UBR4: variants seen among roughly 807,000 people sequenced by gnomAD.
The protein encoded by UBR4 is E3 ubiquitin-protein ligase UBR4.
In UBR4, 124 loss-of-function variants were observed where a neutral mutation model predicts 575.6. The observed-to-expected ratio is 0.22, with a 90% CI of 0.19 to 0.25. The LOEUF is 0.25. Among genes scored for constraint, UBR4 ranks in the 10% least tolerant of loss-of-function variants. The pLI is 1.00. For missense variants in UBR4, 4,818 were observed against 6,478.8 expected (o/e 0.74, Z 8.80); for synonymous variants, 2,455 against 2,473.7 (o/e 0.99, Z 0.22).
At position 19,088,048 on chromosome 1, in the gene UBR4, A is replaced by T; in HGVS notation, c.14431-119T>A. On this transcript the variant is annotated intron_variant, in intron 98 of 105. Transcript: ENST00000375254. This position sits in a 1 kb window ranked among gnomAD's most constrained non-coding sequence, Gnocchi z 4.0. Reference sequence around the variant, plus strand: ...CCTCCACTAAAAGGACAGGTGCATGAGAGGAAAGCCCTTGAGCTGTCTTCT... The same window carrying T: ...CCTCCACTAAAAGGACAGGTGCATGTGAGGAAAGCCCTTGAGCTGTCTTCT... 1 of 726,470 alleles carries T rather than the reference A, an allele frequency of 1.4e-6. No individual in the cohort carries two copies. Among genetic ancestry groups the T allele is most frequent in the Non-Finnish European group, 2.4e-6 (1 of 418,214 alleles). 45.0% of individuals were successfully genotyped at this position (726,470 alleles called of 1,614,324 possible). A position where few individuals can be genotyped will look rare whatever the true frequency, so the allele number is the denominator to read the frequency against.
chr1:19,105,794 T>C lies in UBR4; in HGVS notation c.12442A>G (p.Ile4148Val), dbSNP rs1386400588. ...TQAARQAACT[I>V]VEALATIPSR... ...GGAATGGTGGCTAGAGCTTCCACAA[T>C]GGTACAGGCTGCCTGCCGTGCGGCC... Residue 4148 changes from isoleucine (I) to valine (V), a missense_variant, in exon 84 of 106, where the codon ATT (isoleucine) becomes GTT (valine). Physicochemically the swap from Ile to Val is conservative, Grantham distance 29. Coordinates refer to ENST00000375254, the MANE Select transcript of UBR4 (RefSeq NM_020765.3). 1.2e-6 allele frequency: 2 copies of C among 1,610,544 alleles called. No homozygotes were observed. The highest frequency in any genetic ancestry group is 1.7e-6 in the Non-Finnish European group (2 of 1,179,100).
chr1:19,177,650 G>A lies in UBR4; in HGVS notation c.2448C>T (p.Leu816=). 6.2e-7 allele frequency: 1 copy of A among 1,614,100 alleles called. No homozygotes were observed. Among genetic ancestry groups the A allele is most frequent in the Non-Finnish European group, 8.5e-7 (1 of 1,180,014 alleles). ...CTGTCTCGGTGAAATTGTGGAAAATGAGGAGGAGCATCTGCAGGTGTTCTA... is the reference window on the plus strand; with the variant it reads ...CTGTCTCGGTGAAATTGTGGAAAATAAGGAGGAGCATCTGCAGGTGTTCTA... The part of the protein sequence containing the change: ...LNVEHLQMLL[L]IFHNFTETGR... The change falls in exon 19 of 106, where the codon CTC becomes CTT. Residue 816 remains leucine (L), a synonymous_variant. Coordinates refer to ENST00000375254, the MANE Select transcript of UBR4 (RefSeq NM_020765.3).
rs775038308 is a variant in UBR4, at chr1:19,097,208, G to T, written c.13375C>A (p.Leu4459Met). ...GDATEEFIES[L>M]DSTTDEEEDE... ...CATGATCTACCTGTAGTAGAGTCCA[G>T]GGACTCAATGAACTCCTCTGTGGCA... Residue 4459 changes from leucine (L) to methionine (M), a missense_variant, in exon 91 of 106, where the codon CTG (leucine) becomes ATG (methionine). By Grantham distance (15) the Leu-to-Met change is conservative. Coordinates refer to ENST00000375254, the MANE Select transcript of UBR4 (RefSeq NM_020765.3). 5 of 1,613,300 alleles carry T rather than the reference G, an allele frequency of 3.1e-6. No homozygotes were observed. Among genetic ancestry groups the T allele is most frequent in the Non-Finnish European group, 4.2e-6 (5 of 1,179,670 alleles).
intron 11 of UBR4, among the ~76,000 whole-genome samples, chr1:19,191,176 A>G (rs1362372022): frequency 1.3e-5 from 2 of 152,092 alleles, no homozygotes; most frequent in African/African-American, 2.4e-5. Flanking sequence ...AATAACTAAA[A>G]TAATAGCCCT....
At chr1:19,164,170 T>C in intron 33 of UBR4, 83 bp downstream of exon 33, 1 of 1,463,822 alleles carries the variant, frequency 6.8e-7, no homozygotes, top group Non-Finnish European at 9.2e-7. Context: ...AAATTTCTTC[T>C]GTACTCACTT....
Position 19,106,670 on chromosome 1 carries a change from T to C in UBR4, c.12292A>G (p.Thr4098Ala). 6.2e-7 allele frequency: 1 copy of C among 1,610,316 alleles called. No homozygotes were observed. Among genetic ancestry groups the C allele is most frequent in the Non-Finnish European group, 8.5e-7 (1 of 1,178,042 alleles). ...SKSELRHLYL[T>A]EKYVWRWKQF... ...TTCCACCTCCACACATACTTCTCAG[T>C]CAAATAGAGATGGCGGAGCTCTGAT... The change falls in exon 83 of 106, where the codon ACT (threonine) becomes GCT (alanine). Residue 4098 changes from threonine (T) to alanine (A), a missense_variant. By Grantham distance (58) the Thr-to-Ala change is moderately conservative (BLOSUM62 0). Around this residue, in one of 29 missense-constraint regions of UBR4, gnomAD observed 178 missense variants for 175.5 expected, o/e 1.01. Coordinates refer to ENST00000375254, the MANE Select transcript of UBR4 (RefSeq NM_020765.3).
At position 19,106,701 on chromosome 1, in the gene UBR4, G is replaced by C; in HGVS notation, c.12261C>G (p.Pro4087=). 1 of 1,603,504 alleles carries C rather than the reference G, an allele frequency of 6.2e-7. No homozygotes were observed. The highest frequency in any genetic ancestry group is 8.5e-7 in the Non-Finnish European group (1 of 1,174,210). Residue 4087 remains proline, a synonymous_variant, in exon 83 of 106, where the codon CCC becomes CCG. Transcript: ENST00000375254. ...AGAGATGGCGGAGCTCTGATTTGCTGGGGGCTTTCCCATTGCCATCTATCC... is the reference window on the plus strand; with the variant it reads ...AGAGATGGCGGAGCTCTGATTTGCTCGGGGCTTTCCCATTGCCATCTATCC... The part of the protein sequence containing the change: ...IRGIDGNGKA[P]SKSELRHLYL...
At chr1:19,199,154 T>C (rs1333571048) in intron 3 of UBR4, among the ~76,000 whole-genome samples, 5 of 152,234 alleles carry the variant, frequency 3.3e-5, no homozygotes, top group Non-Finnish European at 5.9e-5. Flanking sequence ...AAGATTCACA[T>C]GCAAATCTGA....
At position 19,126,583 on chromosome 1, in the gene UBR4, C is replaced by T. The variant is rs201098859; in HGVS notation, c.9301G>A (p.Val3101Met). Reference sequence around the variant, plus strand: ...CAATATTCCAGCAGTGATTTGAGCACGTGCAGGCAGTAGTCCACAGCCCCA... The same window carrying T: ...CAATATTCCAGCAGTGATTTGAGCATGTGCAGGCAGTAGTCCACAGCCCCA... ...SSGAVDYCLH[V>M]LKSLLEYWKS... Residue 3101 changes from valine (V) to methionine (M), a missense_variant, in exon 64 of 106, where the codon GTG (valine) becomes ATG (methionine). This residue lies in a region of UBR4 where 550 missense variants were observed against 791.5 expected (regional missense o/e 0.69). Transcript: ENST00000375254. 7.7e-5 allele frequency: 125 copies of T among 1,614,146 alleles called. No individual in the cohort carries two copies. The highest frequency in any genetic ancestry group is 2.2e-4 in the Admixed American group (13 of 60,024).
In UBR4 at chr1:19,162,454, G is replaced by A. The variant is rs771169905; in HGVS notation, c.4922C>T (p.Ala1641Val). ...EVDSDWVEEL[A>V]VEEEDSQAED... ...AGCCTGGGAATCTTCCTCTTCCACC[G>A]CCAACTCCTCCACCCAGTCTGAGTC... Residue 1641 changes from alanine (A) to valine (V), a missense_variant, in exon 35 of 106, where the codon GCG (alanine) becomes GTG (valine). By Grantham distance (64) the Ala-to-Val change is moderately conservative. Around this residue, in one of 29 missense-constraint regions of UBR4, gnomAD observed 18 missense variants for 37.3 expected, o/e 0.48. Coordinates refer to ENST00000375254, the MANE Select transcript of UBR4 (RefSeq NM_020765.3). The A allele has an allele frequency of 5.0e-6, 8 of 1,613,678 alleles. No individual in the cohort carries two copies. Among genetic ancestry groups the A allele is most frequent in the East Asian group, 2.2e-5 (1 of 44,888 alleles).
intron 58 of UBR4, among the ~76,000 whole-genome samples, chr1:19,140,328 G>A (rs956146763): frequency 6.6e-6 from 1 of 152,152 alleles, no homozygotes; most frequent in African/African-American, 2.4e-5. Flanking sequence ...CAAGCTCACA[G>A]ATCCTGATGG....
intron 70 of UBR4, 62 bp from the exon 71 acceptor site, chr1:19,119,019 CT>C: frequency 2.0e-6 from 3 of 1,513,806 alleles, no homozygotes; most frequent in Admixed American, 1.7e-5. Flanking sequence ...TTGGAAAAGA[CT>C]TTTGTCTTCT....
chr1:19,120,239 T>C lies in UBR4; in HGVS notation c.10251A>G (p.Leu3417=), dbSNP rs1263404842. 6.2e-7 allele frequency: 1 copy of C among 1,614,052 alleles called. No individual in the cohort carries two copies. Among genetic ancestry groups the C allele is most frequent in the Non-Finnish European group, 8.5e-7 (1 of 1,180,022 alleles). ...TLIQFLRCFL[L]ESNSSSVRWQ... ...AGCGCACCGAGGAAGAATTGGACTC[T>C]AACAGGAAACAACGCAGGAACTGGA... The change falls in exon 69 of 106, where the codon TTA becomes TTG. Residue 3417 remains leucine (L), a synonymous_variant. Transcript: ENST00000375254.
Position 19,165,320 on chromosome 1 carries a change from G to A in UBR4, c.4241C>T (p.Thr1414Ile), listed in dbSNP as rs1285802997. 1.9e-6 allele frequency: 3 copies of A among 1,614,050 alleles called. No individual in the cohort carries two copies. In the African/African-American group the frequency reaches 4.0e-5, roughly 22 times the overall value. Residue 1414 changes from threonine (T) to isoleucine (I), a missense_variant, in exon 31 of 106, where the codon ACA becomes ATA. By Grantham distance (89) the Thr-to-Ile change is moderately conservative. This residue lies in a region of UBR4 where 1,172 missense variants were observed against 1,259.7 expected (regional missense o/e 0.93). Transcript: ENST00000375254. ...TTTAGCAGAGAGGTTCTCATTGGCT[G>A]TTGCCATCATGATCTGTACAAGTTC... ...SGELVQIMMA[T>I]ANENLSAKFC...
intron 90 of UBR4, 122 bp from the exon 91 acceptor site, chr1:19,097,402 T>C: frequency 1.5e-6 from 1 of 683,896 alleles, no homozygotes; most frequent in South Asian, 2.4e-5. Flanking sequence ...CTACAAAGTC[T>C]CAACCACAAC....
intron 15 of UBR4, among the ~76,000 whole-genome samples, chr1:19,184,800 C>G (rs150174768): frequency 6.6e-6 from 1 of 152,204 alleles, no homozygotes; most frequent in South Asian, 2.1e-4. Context: ...TGTCACAACA[C>G]CTTTAGATGC....
intron 8 of UBR4, among the ~76,000 whole-genome samples, chr1:19,196,105 CTGACT>C (rs2092442531): frequency 6.6e-6 from 1 of 152,038 alleles, no homozygotes; most frequent in Admixed American, 6.6e-5. Flanking sequence ...GAGATCCTAC[CTGACT>C]TAAGATTCAA....
At position 19,093,778 on chromosome 1, in the gene UBR4, A is replaced by C. The variant is rs6693300; in HGVS notation, c.13937+171T>G. On this transcript the variant is annotated intron_variant, in intron 95 of 105. Coordinates refer to ENST00000375254, the MANE Select transcript of UBR4 (RefSeq NM_020765.3). The surrounding 1 kb of genome is among the most constrained non-coding windows in gnomAD (Gnocchi z 4.8). The stretch of plus-strand genomic sequence containing the variant: ...TCTCTGACTAGCCAATTGCTACTCT[A>C]ATACAGTATATTTTAACTATTCACT... 0.051 allele frequency among the ~76,000 whole-genome samples: 7,770 copies of C among 152,202 alleles called. 502 individuals carry two copies. Among genetic ancestry groups the C allele is most frequent in the African/African-American group, 0.15 (6,390 of 41,482 alleles).
chr1:19,122,475 C>T (rs1020854591), intron 66 of UBR4, among the ~76,000 whole-genome samples: 8 of 152,322 alleles, frequency 5.3e-5, no homozygotes, highest in Middle Eastern at 3.4e-3. Flanking sequence ...TTTTTCTACT[C>T]GAACCTTCAT....
Sources: gnomAD v4.1 joint callset for allele counts (sites outside exome capture counted in the v4.1 genomes callset) on GRCh38, gnomAD v4.1.1 for gene constraint, gnomAD v4.1.1 regional missense constraint, Gnocchi (gnomAD v3.1) non-coding constraint, MANE v1.5 for transcripts, NCBI Gene and HGNC (gene_info 2026-07-23, HGNC 2026-07-21) for gene names.